PSPC1: variants seen among roughly 807,000 people sequenced by gnomAD.
PSPC1 encodes the protein paraspeckle protein 1.
In PSPC1, 14 loss-of-function variants were observed where a neutral mutation model predicts 51.6. That is an observed-to-expected ratio of 0.27 (90% CI 0.18 to 0.42). PSPC1 has a LOEUF of 0.42. PSPC1 is among the 10% of genes least tolerant of loss of function. The pLI is 1.00. For missense variants in PSPC1, 406 were observed against 701.1 expected (o/e 0.58, Z 4.75); for synonymous variants, 193 against 231.9 (o/e 0.83, Z 1.53).
chr13:19,749,048 A>G (rs1199387402), intron 4 of PSPC1, among the ~76,000 whole-genome samples: 1 of 151,804 alleles, frequency 6.6e-6, no homozygotes. Flanking sequence ...CATCTCTACT[A>G]AAAATACAAA....
In PSPC1 at chr13:19,744,933, A is replaced by T. The variant is rs116887227; in HGVS notation, c.968-3284T>A. ...GAATTTTTCTTAATAAAATAAAGCCATCTACAGTCATGAAGGCATCATCTA... is the reference window on the plus strand; with the variant it reads ...GAATTTTTCTTAATAAAATAAAGCCTTCTACAGTCATGAAGGCATCATCTA... On this transcript the variant is annotated intron_variant, in intron 4 of 8. Coordinates refer to ENST00000338910, the MANE Select transcript of PSPC1 (RefSeq NM_001354909.2). 4.5e-3 allele frequency among the ~76,000 whole-genome samples: 692 copies of T among 152,332 alleles called. 5 individuals carry two copies. The highest frequency in any genetic ancestry group is 0.027 in the South Asian group (128 of 4,828).
Position 19,751,377 on chromosome 13 carries a change from C to G in PSPC1, c.861G>C (p.Lys287Asn). ...SRWKALDEMEKQQREQVDRNI... is the reference protein window; with the variant it reads ...SRWKALDEMENQQREQVDRNI... ...TTCTATCAACCTGCTCACGCTGCTG[C>G]TTTTCCATTTCATCAAGAGCCTTCC... Residue 287 changes from lysine (K) to asparagine (N), a missense_variant, in exon 4 of 9, where the codon AAG becomes AAC. Lys to Asn is a moderately conservative substitution (Grantham distance 94). This residue lies in a region of PSPC1 where 180 missense variants were observed against 337.9 expected (regional missense o/e 0.53). Transcript: ENST00000338910. 6.3e-7 allele frequency: 1 copy of G among 1,593,670 alleles called. No homozygotes were observed. Among genetic ancestry groups the G allele is most frequent in the South Asian group, 1.1e-5 (1 of 87,104 alleles).
intron 4 of PSPC1, among the ~76,000 whole-genome samples, chr13:19,743,284 A>C (rs1885618979): frequency 6.6e-6 from 1 of 152,142 alleles, no homozygotes; most frequent in Non-Finnish European, 1.5e-5. Context: ...GTCTAAAGTG[A>C]ACAAATTACC....
intron 6 of PSPC1, among the ~76,000 whole-genome samples, chr13:19,729,040 C>A (rs9550586): frequency 8.9e-4 from 135 of 152,172 alleles, no homozygotes; most frequent in South Asian, 6.0e-3. Context: ...AACAGAAGCA[C>A]CATCAGTATC....
chr13:19,775,379 AT>A (rs1376969821), intron 1 of PSPC1, among the ~76,000 whole-genome samples: 8 of 152,150 alleles, frequency 5.3e-5, no homozygotes, highest in South Asian at 4.1e-4. Context: ...AAAAAAAAAA[AT>A]AAACCAAATA....
intron 3 of PSPC1, among the ~76,000 whole-genome samples, chr13:19,752,115 T>C (rs1886617579): frequency 6.6e-6 from 1 of 152,182 alleles, no homozygotes; most frequent in Non-Finnish European, 1.5e-5. Context: ...GAATTAACTG[T>C]CTGGATCAGA....
chr13:19,719,769 T>C lies in PSPC1; in HGVS notation c.1159-10170A>G, dbSNP rs374846535. Among the ~76,000 whole-genome samples the C allele has an allele frequency of 5.9e-5, 9 of 152,340 alleles. No individual in the cohort carries two copies. The East Asian group carries it at 9.6e-4, about 16-fold the overall frequency. On this transcript the variant is annotated intron_variant, in intron 6 of 8. Coordinates refer to ENST00000338910, the MANE Select transcript of PSPC1 (RefSeq NM_001354909.2). ...GCTTTCTAACCGAAGATCAATTAAA[T>C]GTAAACACAATCTAGCACACATCAA...
intron 6 of PSPC1, among the ~76,000 whole-genome samples, chr13:19,712,500 T>G (rs1251136508): frequency 6.6e-6 from 1 of 152,178 alleles, no homozygotes; most frequent in Non-Finnish European, 1.5e-5. Context: ...TCTTTTATTA[T>G]TAAATCCATT....
chr13:19,778,364 TCC>T (rs1889427025), intron 1 of PSPC1, among the ~76,000 whole-genome samples: 2 of 2,578 alleles, frequency 7.8e-4, no homozygotes, highest in East Asian at 0.17. Flanking sequence ...CCTCTCCCTC[TCC>T]CCCTCCCCCT....
At chr13:19,754,213 T>C (rs1886846614) in intron 3 of PSPC1, among the ~76,000 whole-genome samples, 2 of 151,818 alleles carry the variant, frequency 1.3e-5, no homozygotes, top group African/African-American at 4.8e-5. Flanking sequence ...GCCTCCCAAA[T>C]AGCTGGGATT....
intron 6 of PSPC1, among the ~76,000 whole-genome samples, chr13:19,717,860 A>C (rs1436568233): frequency 6.6e-6 from 1 of 151,254 alleles, no homozygotes; most frequent in East Asian, 1.9e-4. Flanking sequence ...TGGGCGACAG[A>C]GGGAGACTCC....
At chr13:19,756,639 A>G (rs1053373148) in intron 3 of PSPC1, among the ~76,000 whole-genome samples, 7 of 152,088 alleles carry the variant, frequency 4.6e-5, no homozygotes, top group Admixed American at 1.3e-4. Flanking sequence ...AGCTAGAATT[A>G]CAGATGCGTG....
downstream of PSPC1, chr13:19,672,487 A>ACTT (rs1256426023): frequency 2.7e-5 from 4 of 148,030 alleles, no homozygotes; most frequent in African/African-American, 1.0e-4. Flanking sequence ...GCCCTGGTGA[A>ACTT]CTTCTGTGCT....
At chr13:19,753,229 G>T (rs1370548743) in intron 3 of PSPC1, among the ~76,000 whole-genome samples, 1 of 145,480 alleles carries the variant, frequency 6.9e-6, no homozygotes, top group Non-Finnish European at 1.5e-5. Flanking sequence ...GTTACAGTGA[G>T]CCGAGATTGT....
chr13:19,674,008 T>A (rs758154612), downstream of PSPC1, among the ~76,000 whole-genome samples: 10 of 152,240 alleles, frequency 6.6e-5, no homozygotes, highest in Non-Finnish European at 1.3e-4. Context: ...TCAGATGATA[T>A]GGTACTAGTA....
chr13:19,691,934 C>T (rs1238673184), intron 6 of PSPC1, among the ~76,000 whole-genome samples: 1 of 151,974 alleles, frequency 6.6e-6, no homozygotes, highest in Non-Finnish European at 1.5e-5. Flanking sequence ...GAGAGACCTA[C>T]AAAAATATCT....
At chr13:19,697,054 G>A (rs145702650) in intron 6 of PSPC1, among the ~76,000 whole-genome samples, 1 of 152,240 alleles carries the variant, frequency 6.6e-6, no homozygotes, top group East Asian at 1.9e-4. Context: ...GATTGTCAGG[G>A]ATCTTATCCA....
At chr13:19,671,466 A>AATGCAGC (rs1876122232), downstream of PSPC1, among the ~76,000 whole-genome samples, 1 of 152,172 alleles carries the variant, frequency 6.6e-6, no homozygotes, top group African/African-American at 2.4e-5. Flanking sequence ...TAGACATAAT[A>AATGCAGC]ATGCGGCAGG....
rs556506508 is a variant in PSPC1, at chr13:19,753,035, C to A, written c.771-1568G>T. Among the ~76,000 whole-genome samples the A allele has an allele frequency of 6.6e-4, 100 of 151,930 alleles. 1 individual carries two copies. The South Asian group carries it at 0.02, about 30-fold the overall frequency. On this transcript the variant is annotated intron_variant, in intron 3 of 8. Coordinates refer to ENST00000338910, the MANE Select transcript of PSPC1 (RefSeq NM_001354909.2). Reference sequence around the variant, plus strand: ...CGGTAGGTCACACTTGTAATCCCAGCCCTTTGGGAGGCTGAGACAGGCGGA... The same window carrying A: ...CGGTAGGTCACACTTGTAATCCCAGACCTTTGGGAGGCTGAGACAGGCGGA...
Sources: gnomAD v4.1 joint callset for allele counts (sites outside exome capture counted in the v4.1 genomes callset) on GRCh38, gnomAD v4.1.1 for gene constraint, gnomAD v4.1.1 regional missense constraint, MANE v1.5 for transcripts, NCBI Gene and HGNC (gene_info 2026-07-23, HGNC 2026-07-21) for gene names.